Variants in DNAH12 observed in about 807,000 individuals in gnomAD.
DNAH12 encodes the protein axonemal beta dynein heavy chain 12.
In DNAH12, 285 loss-of-function variants were observed where a neutral mutation model predicts 371.5. That is an observed-to-expected ratio of 0.77 (90% CI 0.70 to 0.85). DNAH12 has a LOEUF of 0.85. Ranked by LOEUF, DNAH12 falls within the 40% of genes least tolerant of loss-of-function variation. The pLI is 0.00. For missense variants in DNAH12, 3,611 were observed against 3,689.4 expected (o/e 0.98, Z 0.55); for synonymous variants, 1,200 against 1,213.0 (o/e 0.99, Z 0.22).
chr3:57,326,076 C>T (rs1454746859), intron 62 of DNAH12, among the ~76,000 whole-genome samples: 2 of 152,090 alleles, frequency 1.3e-5, no homozygotes. Context: ...ACCAAATCTA[C>T]GTCTGATTGG....
At chr3:57,552,553 T>G in the DNAH12 span, among the ~76,000 whole-genome samples, 3 of 151,886 alleles carry the variant, frequency 2.0e-5, no homozygotes, top group Non-Finnish European at 4.4e-5. Flanking sequence ...ATTTATGTTA[T>G]TTATTTATTT....
intron 11 of DNAH12, chr3:57,497,872 A>G (rs942907597): frequency 1.3e-5 from 2 of 152,198 alleles, no homozygotes; most frequent in Non-Finnish European, 2.9e-5. Flanking sequence ...TATTTGCAAA[A>G]CTATTTCAGA....
At chr3:57,302,017 A>C in intron 69 of DNAH12, 78 bp from the exon 70 acceptor site, 1 of 1,440,850 alleles carries the variant, frequency 6.9e-7, no homozygotes, top group Non-Finnish European at 9.4e-7. Flanking sequence ...AACAGCAGGA[A>C]TTTCATTCCC....
chr3:57,426,078 A>T (rs2064759045), intron 34 of DNAH12, among the ~76,000 whole-genome samples: 1 of 152,098 alleles, frequency 6.6e-6, no homozygotes, highest in South Asian at 2.1e-4. Flanking sequence ...TGGAAGGAAA[A>T]TGTAAGTTTG....
intron 68 of DNAH12, 140 bp downstream of exon 68, chr3:57,309,526 T>G (rs1265350988): frequency 1.2e-6 from 1 of 848,044 alleles, no homozygotes; most frequent in African/African-American, 1.7e-5. Context: ...TTATCACCAT[T>G]TAACGGATTT....
chr3:57,428,331 A>T, intron 34 of DNAH12: 1 of 1,128,186 alleles, frequency 8.9e-7, no homozygotes, highest in Non-Finnish European at 1.2e-6. Flanking sequence ...AATAACTCAT[A>T]AACTCACTAA....
At chr3:57,353,734 C>T (rs888644906) in intron 59 of DNAH12, among the ~76,000 whole-genome samples, 7 of 152,020 alleles carry the variant, frequency 4.6e-5, no homozygotes, top group Non-Finnish European at 1.0e-4. Context: ...AGACACTTTT[C>T]AAAAGAAGAC....
Position 57,459,712 on chromosome 3 carries a change from G to C in DNAH12, c.2811C>G (p.Tyr937Ter). Residue 937 changes from tyrosine (Y) to a stop codon, truncating the protein, a stop_gained, in exon 20 of 74, where the codon TAC (tyrosine) becomes TAG (stop). Transcript: ENST00000495027. LOFTEE classifies it high-confidence loss of function. ...CCTCAGAACAAAAGATGGGCTCTAA[G>C]TACAGCCATTGAGCTTGTACTTTTA... ...EWLKVQAQWL[Y>*]LEPIFCSEDI... 1 of 1,547,672 alleles carries C rather than the reference G, an allele frequency of 6.5e-7. No individual in the cohort carries two copies. The highest frequency in any genetic ancestry group is 8.7e-7 in the Non-Finnish European group (1 of 1,144,338).
chr3:57,499,673 T>TATATATACACAC lies in DNAH12; in HGVS notation c.1335+1647_1335+1648insGTGTGTATATAT, dbSNP rs771112538. On this transcript the variant is annotated intron_variant, in intron 11 of 73. Coordinates refer to ENST00000495027, the MANE Select transcript of DNAH12 (RefSeq NM_001366028.2). Reference sequence around the variant, plus strand: ...ATATATATATATATATATATATATATATACTTCTTAAAAAAATTAGCCAGG... The same window carrying TATATATACACAC: ...ATATATATATATATATATATATATATATATATACACACATACTTCTTAAAAAAATTAGCCAGG... Among the ~76,000 whole-genome samples, 38 of 44,440 alleles carry TATATATACACAC rather than the reference T, an allele frequency of 8.6e-4. 3 individuals are homozygous for TATATATACACAC. Among genetic ancestry groups the TATATATACACAC allele is most frequent in the African/African-American group, 2.9e-3 (33 of 11,216 alleles). The allele number at this position is 44,440 out of a possible 152,430, so 29.2% of individuals were successfully genotyped here. A position where few individuals can be genotyped will look rare whatever the true frequency, so the allele number is the denominator to read the frequency against.
chr3:57,380,901 A>C (rs1186762137), intron 50 of DNAH12, among the ~76,000 whole-genome samples: 4 of 152,372 alleles, frequency 2.6e-5, no homozygotes, highest in South Asian at 4.1e-4. Flanking sequence ...GTAAACACTG[A>C]AAGGAAAATA....
chr3:57,374,746 C>G (rs1476460993), intron 55 of DNAH12, among the ~76,000 whole-genome samples: 3 of 144,948 alleles, frequency 2.1e-5, no homozygotes, highest in South Asian at 2.3e-4. Flanking sequence ...CATGCAATAA[C>G]ATGGATAAAT....
In DNAH12 at chr3:57,323,311, A is replaced by T. The variant is rs138879314; in HGVS notation, c.10130-51T>A. The T allele has an allele frequency of 2.2e-5, 34 of 1,522,576 alleles. No individual in the cohort carries two copies. The East Asian group carries it at 8.1e-4, about 36-fold the overall frequency. The allele number at this position is 1,522,576 out of a possible 1,614,324, so 94.3% of individuals were successfully genotyped here. A position where few individuals can be genotyped will look rare whatever the true frequency, so the allele number is the denominator to read the frequency against. ...ACACTACTTACTCTAAAATTATAAAAAAGTGCCTTATGTATAGGTGTTTTA... is the reference window on the plus strand; with the variant it reads ...ACACTACTTACTCTAAAATTATAAATAAGTGCCTTATGTATAGGTGTTTTA... On this transcript the variant is annotated intron_variant, in intron 63 of 73. Coordinates refer to ENST00000495027, the MANE Select transcript of DNAH12 (RefSeq NM_001366028.2).
At chr3:57,325,470 A>G (rs558992419) in intron 62 of DNAH12, among the ~76,000 whole-genome samples, 1 of 152,344 alleles carries the variant, frequency 6.6e-6, no homozygotes, top group Non-Finnish European at 1.5e-5. Flanking sequence ...CAGGGTCTGG[A>G]GTGGACCTCT....
At chr3:57,471,405 T>G (rs991016192) in intron 15 of DNAH12, 67 bp downstream of exon 15, 50 of 1,334,080 alleles carry the variant, frequency 3.7e-5, no homozygotes, top group South Asian at 6.9e-5. Context: ...ACTTTTAAAT[T>G]TATGTTAACA....
chr3:57,443,783 C>T (rs1044975018), intron 29 of DNAH12, among the ~76,000 whole-genome samples: 6 of 151,922 alleles, frequency 3.9e-5, no homozygotes, highest in African/African-American at 1.5e-4. Flanking sequence ...GGATGTTTTA[C>T]TACTTTCATT....
chr3:57,535,782 T>C (rs1296743488), intron 2 of DNAH12, among the ~76,000 whole-genome samples: 1 of 151,810 alleles, frequency 6.6e-6, no homozygotes, highest in Non-Finnish European at 1.5e-5. Context: ...CCTCAGGTGA[T>C]CCTCCTGCCT....
chr3:57,454,853 C>A lies in DNAH12; in HGVS notation c.3378G>T (p.Trp1126Cys). The change falls in exon 23 of 74, where the codon TGG becomes TGT. Residue 1126 changes from tryptophan to cysteine, a missense_variant. Coordinates refer to ENST00000495027, the MANE Select transcript of DNAH12 (RefSeq NM_001366028.2). ...AAATACAAAGTACAACTTGGCCAGG[C>A]CACTCTCGAACCCAGTCTCTTCTTG... is the stretch of plus-strand genomic sequence containing the variant. ...ESARRDWVRE[W>C]PGQVVLCISQ... 1 of 1,551,304 alleles carries A rather than the reference C, an allele frequency of 6.4e-7. No individual in the cohort carries two copies. The highest frequency in any genetic ancestry group is 8.7e-7 in the Non-Finnish European group (1 of 1,146,770).
intron 20 of DNAH12, 62 bp downstream of exon 20, chr3:57,459,530 G>A (rs1319995554): frequency 1.5e-6 from 2 of 1,295,642 alleles, no homozygotes; most frequent in South Asian, 2.8e-5. Context: ...AAAGTCACAT[G>A]TTTTACTTAA....
At chr3:57,398,326 G>A (rs1161947998) in intron 43 of DNAH12, among the ~76,000 whole-genome samples, 1 of 152,086 alleles carries the variant, frequency 6.6e-6, no homozygotes, top group Non-Finnish European at 1.5e-5. Flanking sequence ...TATGCATTAT[G>A]GAAATCCCAG....
Sources: gnomAD v4.1 joint callset for allele counts (sites outside exome capture counted in the v4.1 genomes callset) on GRCh38, gnomAD v4.1.1 for gene constraint, MANE v1.5 for transcripts, NCBI Gene and HGNC (gene_info 2026-07-23, HGNC 2026-07-21) for gene names.